Variants in RORA observed in about 807,000 individuals in gnomAD.
RORA encodes the protein RAR related orphan receptor A.
In RORA, 7 loss-of-function variants were observed where a neutral mutation model predicts 69.5. The observed-to-expected ratio is 0.10, with a 90% CI of 0.06 to 0.19. The LOEUF is 0.19. Ranked by LOEUF, RORA falls within the 10% of genes least tolerant of loss-of-function variation. The probability of loss-of-function intolerance (pLI) is 1.00; values close to 1 mark genes in which losing one functional copy is unlikely to be tolerated. For missense variants in RORA, 457 were observed against 663.0 expected (o/e 0.69, Z 3.41); for synonymous variants, 261 against 240.8 (o/e 1.08, Z -0.78).
chr15:60,759,881 T>G (rs1244574013), intron 1 of RORA, among the ~76,000 whole-genome samples: 1 of 152,154 alleles, frequency 6.6e-6, no homozygotes. Context: ...TATCCTATTT[T>G]CCCCCATTGA....
intron 1 of RORA, among the ~76,000 whole-genome samples, chr15:60,991,199 C>T (rs1894365572): frequency 1.3e-5 from 2 of 152,182 alleles, no homozygotes; most frequent in Non-Finnish European, 2.9e-5. Context: ...ACAGAACTTC[C>T]TGTATCAAGC....
intron 1 of RORA, among the ~76,000 whole-genome samples, chr15:61,032,287 C>T (rs541617858): frequency 8.5e-5 from 13 of 152,236 alleles, no homozygotes; most frequent in Admixed American, 5.2e-4. Flanking sequence ...AATTTAAAGC[C>T]AGAAGTGTTG....
At chr15:60,945,048 G>C (rs189462385) in intron 1 of RORA, among the ~76,000 whole-genome samples, 14 of 152,170 alleles carry the variant, frequency 9.2e-5, no homozygotes, top group African/African-American at 3.4e-4. Flanking sequence ...AGCAGAGAAA[G>C]CTAGGAGCTG....
chr15:61,173,465 C>T (rs149468886), intron 1 of RORA, among the ~76,000 whole-genome samples: 1,576 of 152,300 alleles, frequency 0.01, 32 homozygotes, highest in African/African-American at 0.036. Context: ...TAGTTTCAGG[C>T]AACCCATTCA....
At chr15:60,617,388 A>G (rs1294801062) in intron 2 of RORA, among the ~76,000 whole-genome samples, 1 of 152,148 alleles carries the variant, frequency 6.6e-6, no homozygotes, top group Non-Finnish European at 1.5e-5. Flanking sequence ...GAAACACAGG[A>G]GCAAAGGGTG....
intron 1 of RORA, among the ~76,000 whole-genome samples, chr15:61,100,112 CTTTTT>C (rs911036920): frequency 1.7e-5 from 2 of 119,056 alleles, no homozygotes; most frequent in African/African-American, 6.3e-5. Flanking sequence ...GGTCAATTTT[CTTTTT>C]TTTTTTTTTT....
intron 1 of RORA, 36 bp downstream of exon 1, chr15:61,228,988 GGCCGCCCCCCGCTCCGCGCCCGGGCTCCC>G: frequency 2.1e-6 from 2 of 934,224 alleles, no homozygotes; most frequent in Non-Finnish European, 2.6e-6. Context: ...GCCCGCTCCC[GGCCGCCCCCCGCTCCGCGCCCGGGCTCCC>G]GCCGCCCCCT....
intron 1 of RORA, among the ~76,000 whole-genome samples, chr15:60,884,699 T>C (rs1270375915): frequency 6.6e-6 from 1 of 152,154 alleles, no homozygotes; most frequent in Non-Finnish European, 1.5e-5. Flanking sequence ...TTGACTCTAT[T>C]AAGGTCCTAT....
At chr15:60,949,528 T>C (rs2140332419) in intron 1 of RORA, among the ~76,000 whole-genome samples, 1 of 152,290 alleles carries the variant, frequency 6.6e-6, no homozygotes, top group Admixed American at 6.5e-5. Context: ...GGACACAAAG[T>C]ACAACTCAGA....
intron 6 of RORA, 109 bp from the exon 7 acceptor site, chr15:60,503,776 C>CTCTTCGTGGCCCAG: frequency 7.8e-7 from 1 of 1,274,296 alleles, no homozygotes; most frequent in Non-Finnish European, 1.1e-6. Context: ...CCCTGGGCCA[C>CTCTTCGTGGCCCAG]GAAGAGTGGC....
chr15:60,889,635 G>A (rs2073792711), intron 1 of RORA, among the ~76,000 whole-genome samples: 1 of 152,224 alleles, frequency 6.6e-6, no homozygotes, highest in South Asian at 2.1e-4. Context: ...GAGGATGCCT[G>A]GGAGGCACCA....
intron 2 of RORA, among the ~76,000 whole-genome samples, chr15:60,629,155 T>C (rs2069667858): frequency 6.6e-6 from 1 of 151,882 alleles, no homozygotes; most frequent in Non-Finnish European, 1.5e-5. Context: ...TCTTCATAGC[T>C]TTTCGATGTT....
At chr15:60,740,695 A>C (rs2071564147) in intron 1 of RORA, among the ~76,000 whole-genome samples, 1 of 152,200 alleles carries the variant, frequency 6.6e-6, no homozygotes, top group Non-Finnish European at 1.5e-5. Flanking sequence ...CTGAGCTGTA[A>C]ATCTCTTAGG....
chr15:61,141,077 C>T (rs1444141091), intron 1 of RORA, among the ~76,000 whole-genome samples: 1 of 151,942 alleles, frequency 6.6e-6, no homozygotes, highest in Non-Finnish European at 1.5e-5. Flanking sequence ...TAAATTGGAC[C>T]CAAAAAAATC....
At chr15:60,626,222 A>G (rs1484225409) in intron 2 of RORA, among the ~76,000 whole-genome samples, 1 of 152,198 alleles carries the variant, frequency 6.6e-6, no homozygotes, top group African/African-American at 2.4e-5. Context: ...AAGCTGCACC[A>G]GTCACTGTCA....
chr15:60,735,650 T>G (rs1057348981), intron 1 of RORA, among the ~76,000 whole-genome samples: 1 of 152,014 alleles, frequency 6.6e-6, no homozygotes, highest in Non-Finnish European at 1.5e-5. Flanking sequence ...CAAAAATGTT[T>G]GTATTTAGAG....
chr15:60,503,404 G>A (rs967140749), intron 7 of RORA, 131 bp downstream of exon 7: 1 of 801,208 alleles, frequency 1.2e-6, no homozygotes, highest in Admixed American at 2.8e-5. Flanking sequence ...CTCCATTTCT[G>A]CTAAGAAAAA....
At chr15:61,033,264 G>T (rs1896270487) in intron 1 of RORA, among the ~76,000 whole-genome samples, 2 of 152,286 alleles carry the variant, frequency 1.3e-5, no homozygotes, top group South Asian at 4.1e-4. Context: ...AATCAGGGGA[G>T]AGTGCTGCTG....
chr15:60,834,400 G>A (rs953655487), intron 1 of RORA, among the ~76,000 whole-genome samples: 4 of 152,152 alleles, frequency 2.6e-5, no homozygotes, highest in Non-Finnish European at 5.9e-5. Flanking sequence ...CCTCAAGTCC[G>A]TGTGCTCCAT....
Sources: gnomAD v4.1 joint callset for allele counts (sites outside exome capture counted in the v4.1 genomes callset) on GRCh38, gnomAD v4.1.1 for gene constraint, MANE v1.5 for transcripts, NCBI Gene and HGNC (gene_info 2026-07-23, HGNC 2026-07-21) for gene names.